The following COL1A1 variants were observed in gnomAD, a reference collection of about 807,000 sequenced individuals.
COL1A1 encodes collagen alpha-1(I) chain.
A neutral mutation model predicts 195.7 loss-of-function variants in COL1A1; 21 were observed. The observed-to-expected ratio is 0.11, with a 90% confidence interval of 0.08 to 0.15. The LOEUF (loss-of-function observed/expected upper bound fraction) is 0.15, where lower values mean the gene tolerates loss of function less well. Among genes scored for constraint, COL1A1 ranks in the 10% least tolerant of loss-of-function variants. The pLI, the probability that COL1A1 is intolerant of heterozygous loss-of-function variation, is 1.00. For missense variants in COL1A1, 1,365 were observed against 2,051.0 expected (o/e 0.67, Z 6.46); for synonymous variants, 749 against 747.3 (o/e 1.00, Z -0.04).
At position 50,190,212 on chromosome 17, in the gene COL1A1, A is replaced by C. The variant is rs1906955951; in HGVS notation, c.2452-104T>G. On this transcript the variant is annotated intron_variant, in intron 35 of 50. Coordinates refer to ENST00000225964, the MANE Select transcript of COL1A1 (RefSeq NM_000088.4). This position sits in a 1 kb window ranked among gnomAD's most constrained non-coding sequence, Gnocchi z 4.7. ...GCAGGAAGATGCTTGGGTGGGAAAC[A>C]ATCCCGTCTCCACCCTTCTCCCCTG... 1.6e-6 allele frequency: 2 copies of C among 1,280,436 alleles called. No individual in the cohort carries two copies. Among genetic ancestry groups the C allele is most frequent in the East Asian group, 2.3e-5 (1 of 43,272 alleles). The allele number at this position is 1,280,436 out of a possible 1,614,324, so 79.3% of individuals were successfully genotyped here.
At position 50,199,347 on chromosome 17, in the gene COL1A1, G is replaced by A. The variant is rs1244691076; in HGVS notation, c.370-20C>T. Reference sequence around the variant, plus strand: ...GGGTCCCTGCAGGGGGAGAGGGCGGGGCCGGGGTGAGCGTGGGGCCGAGAG... The same window carrying A: ...GGGTCCCTGCAGGGGGAGAGGGCGGAGCCGGGGTGAGCGTGGGGCCGAGAG... On this transcript the variant is annotated intron_variant, in intron 4 of 50. Coordinates refer to ENST00000225964, the MANE Select transcript of COL1A1 (RefSeq NM_000088.4). The A allele has an allele frequency of 1.3e-6, 2 of 1,588,818 alleles. No individual in the cohort carries two copies. The highest frequency in any genetic ancestry group is 1.1e-5 in the South Asian group (1 of 88,130).
chr17:50,193,442 G>A, intron 25 of COL1A1: 2 of 328,856 alleles, frequency 6.1e-6, no homozygotes, highest in South Asian at 8.4e-5. Flanking sequence ...CAGTGGTCAT[G>A]GAGCCTGGAG....
intron 11 of COL1A1, 120 bp from the exon 12 acceptor site, chr17:50,196,790 C>T: frequency 8.0e-7 from 1 of 1,244,416 alleles, no homozygotes; most frequent in Non-Finnish European, 1.2e-6. Flanking sequence ...TGTTTCTGAG[C>T]TAGACTAAAC....
In COL1A1 at chr17:50,189,576, G is replaced by T. The variant is rs963981293; in HGVS notation, c.2668-38C>A. The T allele has an allele frequency of 1.2e-6, 2 of 1,613,330 alleles. No homozygotes were observed. Among genetic ancestry groups the T allele is most frequent in the African/African-American group, 1.3e-5 (1 of 74,788 alleles). On this transcript the variant is annotated intron_variant, in intron 38 of 50. Coordinates refer to ENST00000225964, the MANE Select transcript of COL1A1 (RefSeq NM_000088.4). This position sits in a 1 kb window ranked among gnomAD's most constrained non-coding sequence, Gnocchi z 5.5. Reference sequence around the variant, plus strand: ...AGGAGGGGCTGTCAGACTCCAGGGGGCTCTGGTGCATCATTGGGTCCTCAG... The same window carrying T: ...AGGAGGGGCTGTCAGACTCCAGGGGTCTCTGGTGCATCATTGGGTCCTCAG...
chr17:50,199,874 C>A lies in COL1A1; in HGVS notation c.177G>T (p.Arg59=), dbSNP rs1057297. The A allele has an allele frequency of 0.017, 27,446 of 1,614,152 alleles. 650 individuals carry two copies. The highest frequency in any genetic ancestry group is 0.11 in the African/African-American group (7,974 of 75,028). The change falls in exon 2 of 51, where the codon CGG becomes CGT. Residue 59 remains arginine, a synonymous_variant. Transcript: ENST00000225964. ...CCTTGCCGTTGTCGCAGACGCAGAT[C>A]CGGCAGGGCTCGGGTTTCCACACGT... ...DRDVWKPEPC[R]ICVCDNGKVL...
chr17:50,193,882 C>G, intron 25 of COL1A1, 61 bp downstream of exon 25: 1 of 1,465,136 alleles, frequency 6.8e-7, no homozygotes, highest in Admixed American at 1.7e-5. Flanking sequence ...GAGCCCAGGA[C>G]TCCTTCAAGT....
In COL1A1 at chr17:50,192,270, C is replaced by T. The variant is rs116854206; in HGVS notation, c.1983+205G>A. 6,988 of 733,032 alleles carry T rather than the reference C, an allele frequency of 9.5e-3. 138 individuals carry two copies. Among genetic ancestry groups the T allele is most frequent in the South Asian group, 0.054 (3,199 of 59,624 alleles). 45.4% of individuals were successfully genotyped at this position (733,032 alleles called of 1,614,324 possible). A position where few individuals can be genotyped will look rare whatever the true frequency, so the allele number is the denominator to read the frequency against. On this transcript the variant is annotated intron_variant, in intron 29 of 50. Coordinates refer to ENST00000225964, the MANE Select transcript of COL1A1 (RefSeq NM_000088.4). ...GGTTGAGGGAAAGTCACAGCATATT[C>T]CAGCAGCTCTTAAAAGAAGTCACCC...
Position 50,195,741 on chromosome 17 carries a change from G to A in COL1A1, c.1057-76C>T. On this transcript the variant is annotated intron_variant, in intron 16 of 50. Transcript: ENST00000225964. This position sits in a 1 kb window ranked among gnomAD's most constrained non-coding sequence, Gnocchi z 4.3. ...TGCCTCTCGGGATGGCAGGAGGAAG[G>A]GGAGACAGGGACAGGAGAGCAATGA... The A allele has an allele frequency of 6.9e-7, 1 of 1,449,726 alleles. No homozygotes were observed. Among genetic ancestry groups the A allele is most frequent in the East Asian group, 2.3e-5 (1 of 42,588 alleles). The allele number at this position is 1,449,726 out of a possible 1,614,324, so 89.8% of individuals were successfully genotyped here.
chr17:50,199,664 G>A (rs1473103509), intron 2 of COL1A1, 74 bp from the exon 3 acceptor site: 3 of 1,611,052 alleles, frequency 1.9e-6, no homozygotes, highest in East Asian at 4.5e-5. Flanking sequence ...CCTCCAGCAC[G>A]GAGGGCCAGC....
intron 7 of COL1A1, 61 bp downstream of exon 7, chr17:50,198,100 C>T (rs1235295880): frequency 3.1e-6 from 5 of 1,609,474 alleles, no homozygotes; most frequent in Admixed American, 3.3e-5. Flanking sequence ...GCCCTCATCC[C>T]AGTCTTCCCT....
chr17:50,187,812 G>A (rs1906686008), intron 45 of COL1A1, 64 bp downstream of exon 45: 3 of 1,420,258 alleles, frequency 2.1e-6, no homozygotes, highest in African/African-American at 1.4e-5. Context: ...GGAAACTGAG[G>A]CGAAGCTCCC....
rs1385119775 is a variant in COL1A1, at chr17:50,201,550, G to A, written c.-37C>T. 2.5e-6 allele frequency: 4 copies of A among 1,579,354 alleles called. No individual in the cohort carries two copies. The highest frequency in any genetic ancestry group is 4.5e-5 in the East Asian group (2 of 44,150). On this transcript the variant is annotated 5_prime_UTR_variant, in exon 1 of 51. Transcript: ENST00000225964. ...AGACATGTAGACTCTTTGTGGCTGG[G>A]GAGGGGGTTAGCGTCCGCTCATGCG... is the stretch of plus-strand genomic sequence containing the variant.
chr17:50,191,276 G>T, intron 32 of COL1A1, 107 bp downstream of exon 32: 3 of 1,087,160 alleles, frequency 2.8e-6, no homozygotes, highest in Non-Finnish European at 2.8e-6. Context: ...GGGAGGATTA[G>T]CGAGAAGAGG....
At position 50,199,564 on chromosome 17, in the gene COL1A1, C is replaced by T. The variant is rs762315953; in HGVS notation, c.325G>A (p.Gly109Ser). ...CGAGGGCAGGAGATTACCTCGACGC[C>T]GGTGGTTTCTTGGTCGGTGGGTGAC... ...SESPTDQETTGVEGPKGDTGP... is the reference protein window; with the variant it reads ...SESPTDQETTSVEGPKGDTGP... Residue 109 changes from glycine (G) to serine (S), a missense_variant, in exon 3 of 51, where the codon GGC (glycine) becomes AGC (serine). Gly to Ser is a moderately conservative substitution (Grantham distance 56, BLOSUM62 0). Around this residue, in one of 5 missense-constraint regions of COL1A1, gnomAD observed 194 missense variants for 221.7 expected, o/e 0.88. Transcript: ENST00000225964. 9 of 1,614,038 alleles carry T rather than the reference C, an allele frequency of 5.6e-6. No individual in the cohort carries two copies. The highest frequency in any genetic ancestry group is 1.1e-5 in the South Asian group (1 of 91,088).
In COL1A1 at chr17:50,189,069, T is replaced by G; in HGVS notation, c.2938-59A>C. ...GGTCTGGGAGGACCCTTGAGTCCGC[T>G]GGAGTCATCTCTACCAAATCTGTTC... is the stretch of plus-strand genomic sequence containing the variant. On this transcript the variant is annotated intron_variant, in intron 40 of 50. Coordinates refer to ENST00000225964, the MANE Select transcript of COL1A1 (RefSeq NM_000088.4). This position sits in a 1 kb window ranked among gnomAD's most constrained non-coding sequence, Gnocchi z 5.5. 1.3e-6 allele frequency: 2 copies of G among 1,565,892 alleles called. No homozygotes were observed. The highest frequency in any genetic ancestry group is 1.4e-5 in the African/African-American group (1 of 74,012).
Position 50,196,341 on chromosome 17 carries a change from T to A in COL1A1, c.930A>T (p.Arg310Ser). 1 of 1,612,232 alleles carries A rather than the reference T, an allele frequency of 6.2e-7. No homozygotes were observed. Among genetic ancestry groups the A allele is most frequent in the Non-Finnish European group, 8.5e-7 (1 of 1,179,058 alleles). Residue 310 changes from arginine to serine, a missense_variant, in exon 14 of 51, where the codon AGA becomes AGT. This residue lies in a region of COL1A1 where 226 missense variants were observed against 372.9 expected (regional missense o/e 0.61). Coordinates refer to ENST00000225964, the MANE Select transcript of COL1A1 (RefSeq NM_000088.4). The part of the protein sequence containing the change: ...QMGPRGLPGE[R>S]GRPGAPGPAG... ...CAGGGCCAGGGGCTCCAGGGCGACC[T>A]CTCTCACCAGGCAGGCCACGGGGGC...
At chr17:50,197,333 G>A (rs1234384164) in intron 9 of COL1A1, 100 bp from the exon 10 acceptor site, 2 of 1,259,928 alleles carry the variant, frequency 1.6e-6, no homozygotes, top group African/African-American at 1.5e-5. Context: ...ATTGTTGCAG[G>A]TCAGGTTTGG....
In COL1A1 at chr17:50,194,273, C is replaced by T; in HGVS notation, c.1614+76G>A. The T allele has an allele frequency of 3.7e-6, 6 of 1,600,402 alleles. No homozygotes were observed. The South Asian group carries it at 6.6e-5, about 18-fold the overall frequency. On this transcript the variant is annotated intron_variant, in intron 23 of 50. Transcript: ENST00000225964. This position sits in a 1 kb window ranked among gnomAD's most constrained non-coding sequence, Gnocchi z 6.8. ...CAGAGGGCAGACCCTTGGGCCTGAT[C>T]CAGAACGCCTCATCCCAGACCCTAC...
In COL1A1 at chr17:50,199,334, G is replaced by A. The variant is rs1408548313; in HGVS notation, c.370-7C>T. The A allele has an allele frequency of 1.3e-6, 2 of 1,573,904 alleles. No homozygotes were observed. Among genetic ancestry groups the A allele is most frequent in the South Asian group, 1.2e-5 (1 of 86,572 alleles). On this transcript the variant is annotated splice_region_variant and splice_polypyrimidine_tract_variant and intron_variant, in intron 4 of 50. Coordinates refer to ENST00000225964, the MANE Select transcript of COL1A1 (RefSeq NM_000088.4). Reference sequence around the variant, plus strand: ...CAGGGGGGCCTGCGGGTCCCTGCAGGGGGAGAGGGCGGGGCCGGGGTGAGC... The same window carrying A: ...CAGGGGGGCCTGCGGGTCCCTGCAGAGGGAGAGGGCGGGGCCGGGGTGAGC...
Sources: gnomAD v4.1 joint callset for allele counts on GRCh38, gnomAD v4.1.1 for gene constraint, gnomAD v4.1.1 regional missense constraint, Gnocchi (gnomAD v3.1) non-coding constraint, MANE v1.5 for transcripts, NCBI Gene and HGNC (gene_info 2026-07-23, HGNC 2026-07-21) for gene names.